The following TNR variants were observed in gnomAD, a reference collection of about 807,000 sequenced individuals.
TNR encodes the protein tenascin-R.
Under a neutral mutation model 150.4 loss-of-function variants are expected in TNR, and 45 were observed. The observed-to-expected ratio is 0.30, with a 90% confidence interval of 0.24 to 0.38. TNR has a LOEUF of 0.38. Among genes scored for constraint, TNR ranks in the 10% least tolerant of loss-of-function variants. The probability of loss-of-function intolerance (pLI) is 1.00; values close to 1 mark genes in which losing one functional copy is unlikely to be tolerated. For missense variants in TNR, 1,544 were observed against 1,759.1 expected (o/e 0.88, Z 2.19); for synonymous variants, 687 against 678.4 (o/e 1.01, Z -0.20).
intron 1 of TNR, among the ~76,000 whole-genome samples, chr1:175,669,776 T>A (rs1233744745): frequency 1.3e-5 from 2 of 152,098 alleles, no homozygotes; most frequent in African/African-American, 4.8e-5. Context: ...AGAGGAGGAA[T>A]GGGTGGTTCC....
chr1:175,656,141 AGTGT>A (rs575020723), intron 1 of TNR, among the ~76,000 whole-genome samples: 5,138 of 123,814 alleles, frequency 0.041, 86 homozygotes, highest in African/African-American at 0.051. Flanking sequence ...GGAAGGTTGA[AGTGT>A]GTGTGTGTGT....
chr1:175,346,362 TA>T (rs1650783374), intron 18 of TNR, among the ~76,000 whole-genome samples: 1 of 151,868 alleles, frequency 6.6e-6, no homozygotes, highest in African/African-American at 2.4e-5. Flanking sequence ...GTGAAGCGGG[TA>T]GGGAGGAAAG....
chr1:175,492,426 C>T (rs1045089005), intron 2 of TNR, among the ~76,000 whole-genome samples: 4 of 152,140 alleles, frequency 2.6e-5, no homozygotes, highest in Non-Finnish European at 4.4e-5. Context: ...GGAGAGATTG[C>T]CCAAGGCCTG....
intron 1 of TNR, among the ~76,000 whole-genome samples, chr1:175,619,549 TCCACA>T (rs1663895079): frequency 1.3e-5 from 2 of 152,104 alleles, no homozygotes; most frequent in Admixed American, 1.3e-4. Flanking sequence ...ACAAGTATCC[TCCACA>T]GCTCGCTTTG....
intron 2 of TNR, among the ~76,000 whole-genome samples, chr1:175,513,826 T>C (rs1180931262): frequency 2.6e-5 from 4 of 152,222 alleles, no homozygotes; most frequent in Admixed American, 2.6e-4. Context: ...TGGAGAGGGC[T>C]TCTCAAACTC....
intron 1 of TNR, among the ~76,000 whole-genome samples, chr1:175,547,655 GAAGA>G (rs796945836): frequency 0.028 from 4,045 of 144,364 alleles, 105 homozygotes; most frequent in African/African-American, 0.075. Context: ...AAGAAAGGAA[GAAGA>G]AAGAAAGAAA....
At position 175,393,809 on chromosome 1, in the gene TNR, C is replaced by T. The variant is rs759478232; in HGVS notation, c.1327G>A (p.Asp443Asn). 4 of 1,614,058 alleles carry T rather than the reference C, an allele frequency of 2.5e-6. No individual in the cohort carries two copies. The highest frequency in any genetic ancestry group is 2.2e-5 in the East Asian group (1 of 44,890). Residue 443 changes from aspartate to asparagine, a missense_variant, in exon 6 of 23, where the codon GAT (aspartate) becomes AAT (asparagine). By Grantham distance (23) the Asp-to-Asn change is conservative (BLOSUM62 1). Coordinates refer to ENST00000367674, the MANE Select transcript of TNR (RefSeq NM_003285.3). The stretch of plus-strand genomic sequence containing the variant: ...GGAATGAAGCTGATTTCCCACCCAT[C>T]GAAGGAAAATGAGAAGGGCTCCCAC... ...VQWEPFSFSF[D>N]GWEISFIPKN... is the part of the protein sequence containing the mutation.
intron 1 of TNR, among the ~76,000 whole-genome samples, chr1:175,710,713 T>C (rs1484290935): frequency 1.3e-5 from 2 of 152,220 alleles, no homozygotes; most frequent in Non-Finnish European, 2.9e-5. Context: ...TTTTTTAAAA[T>C]GACTGCAACA....
chr1:175,609,711 C>T (rs1403767377), intron 1 of TNR, among the ~76,000 whole-genome samples: 1 of 152,124 alleles, frequency 6.6e-6, no homozygotes, highest in African/African-American at 2.4e-5. Context: ...TGTCAGAAGG[C>T]CAACTGATAA....
At chr1:175,515,392 C>T (rs891796175) in intron 2 of TNR, among the ~76,000 whole-genome samples, 3 of 152,080 alleles carry the variant, frequency 2.0e-5, no homozygotes, top group African/African-American at 7.2e-5. Flanking sequence ...AACATGGGCG[C>T]CTAATTCAGT....
intron 2 of TNR, among the ~76,000 whole-genome samples, chr1:175,523,839 G>A (rs895535985): frequency 2.0e-5 from 3 of 152,094 alleles, no homozygotes; most frequent in African/African-American, 7.2e-5. Context: ...AGTTTCTCAG[G>A]ATCTCCACTC....
intron 17 of TNR, among the ~76,000 whole-genome samples, chr1:175,355,101 C>A (rs1251970109): frequency 6.6e-6 from 1 of 152,218 alleles, no homozygotes; most frequent in Non-Finnish European, 1.5e-5. Context: ...CATGTTTGCT[C>A]AGCCCTGTTG....
intron 1 of TNR, among the ~76,000 whole-genome samples, chr1:175,602,767 T>C (rs912629074): frequency 2.0e-5 from 3 of 152,226 alleles, no homozygotes; most frequent in African/African-American, 7.2e-5. Flanking sequence ...ATCCCCAGAA[T>C]GATTGGGATG....
chr1:175,625,502 C>T (rs75823147), intron 1 of TNR, among the ~76,000 whole-genome samples: 1,628 of 152,308 alleles, frequency 0.011, 25 homozygotes, highest in African/African-American at 0.037. Context: ...CCTAGTGTAG[C>T]GGAATTCCCA....
chr1:175,411,628 G>A (rs374926510), intron 2 of TNR, among the ~76,000 whole-genome samples: 7 of 151,510 alleles, frequency 4.6e-5, no homozygotes, highest in South Asian at 2.1e-4. Flanking sequence ...CATCACTCCC[G>A]TCTGTGCCTC....
intron 1 of TNR, among the ~76,000 whole-genome samples, chr1:175,657,392 C>G (rs555998367): frequency 1.3e-5 from 2 of 152,230 alleles, no homozygotes; most frequent in Non-Finnish European, 2.9e-5. Flanking sequence ...ACTAGAAATA[C>G]CATTTGACCC....
chr1:175,359,307 G>A lies in TNR; in HGVS notation c.2974+305C>T, dbSNP rs112698310. On this transcript the variant is annotated intron_variant, in intron 15 of 22. Coordinates refer to ENST00000367674, the MANE Select transcript of TNR (RefSeq NM_003285.3). ...ACTACAGGTTTGCACCACCACTTCC[G>A]GCTAATTTTTGTATTTTTAGAAGAG... Among the ~76,000 whole-genome samples, 693 of 151,634 alleles carry A rather than the reference G, an allele frequency of 4.6e-3. 9 individuals carry two copies. The highest frequency in any genetic ancestry group is 0.016 in the African/African-American group (655 of 41,378).
intron 1 of TNR, among the ~76,000 whole-genome samples, chr1:175,728,752 A>G (rs1373119516): frequency 6.6e-6 from 1 of 152,212 alleles, no homozygotes; most frequent in Non-Finnish European, 1.5e-5. Flanking sequence ...TGAGGAAGCA[A>G]CTGAATATGG....
At chr1:175,411,704 A>G (rs1486221135) in intron 2 of TNR, among the ~76,000 whole-genome samples, 2 of 151,818 alleles carry the variant, frequency 1.3e-5, no homozygotes, top group African/African-American at 4.8e-5. Flanking sequence ...AGCAGTCACA[A>G]TGGATTAGAG....
Sources: allele counts gnomAD v4.1 joint callset (sites outside exome capture counted in the v4.1 genomes callset), GRCh38; gene constraint gnomAD v4.1.1; transcripts MANE v1.5; gene names NCBI Gene and HGNC (gene_info 2026-07-23, HGNC 2026-07-21).